The following UBXN7 variants were observed in gnomAD, a reference collection of about 807,000 sequenced individuals.
The protein encoded by UBXN7 is UBX domain protein 7, also known as UBX domain-containing protein 7.
A neutral mutation model predicts 58.0 loss-of-function variants in UBXN7; 9 were observed. The ratio of observed to expected loss-of-function variants is 0.16; its 90% CI spans 0.09 to 0.27. The LOEUF is 0.27. Among genes scored for constraint, UBXN7 ranks in the 10% least tolerant of loss-of-function variants. The probability of loss-of-function intolerance (pLI) is 1.00; values close to 1 mark genes in which losing one functional copy is unlikely to be tolerated. For synonymous variants in UBXN7, 208 were observed against 205.0 expected (o/e 1.01, Z -0.12); for missense variants, 328 against 599.6 (o/e 0.55, Z 4.73).
At chr3:196,372,099 T>G (rs1728850164) in intron 5 of UBXN7, 57 bp from the exon 6 acceptor site, 1 of 1,528,356 alleles carries the variant, frequency 6.5e-7, no homozygotes, top group East Asian at 2.3e-5. Context: ...TGACAGATGT[T>G]TCCGTAGTTG....
chr3:196,393,780 C>CAT, intron 3 of UBXN7, 161 bp from the exon 4 acceptor site: 1 of 552,536 alleles, frequency 1.8e-6, no homozygotes, highest in Non-Finnish European at 3.1e-6. Flanking sequence ...TGTCTCGTTC[C>CAT]AATTTTAGTA....
intron 1 of UBXN7, among the ~76,000 whole-genome samples, chr3:196,425,832 GTATT>G (rs1484335966): frequency 6.6e-6 from 1 of 152,104 alleles, no homozygotes; most frequent in African/African-American, 2.4e-5. Flanking sequence ...AGATAAAAAA[GTATT>G]TATTCTGGGA....
intron 5 of UBXN7, among the ~76,000 whole-genome samples, chr3:196,383,078 T>C (rs1457377820): frequency 3.4e-5 from 5 of 146,764 alleles, no homozygotes; most frequent in African/African-American, 7.6e-5. Flanking sequence ...ATCGCACCAC[T>C]GCACTCCAGC....
chr3:196,369,602 A>G (rs1728762673), intron 6 of UBXN7, 91 bp from the exon 7 acceptor site: 1 of 863,166 alleles, frequency 1.2e-6, no homozygotes, highest in Admixed American at 2.3e-5. Flanking sequence ...TTAGCTCTCC[A>G]AATATACCTC....
At chr3:196,384,519 A>G (rs1425198949) in intron 5 of UBXN7, among the ~76,000 whole-genome samples, 1 of 152,226 alleles carries the variant, frequency 6.6e-6, no homozygotes, top group Non-Finnish European at 1.5e-5. Flanking sequence ...TTAGACCAAT[A>G]TCCCTGATGA....
At chr3:196,399,349 G>A (rs1729885682) in intron 3 of UBXN7, among the ~76,000 whole-genome samples, 1 of 151,888 alleles carries the variant, frequency 6.6e-6, no homozygotes, top group Admixed American at 6.6e-5. Flanking sequence ...CGTTGCCCAG[G>A]CTGGTCTCAA....
intron 3 of UBXN7, chr3:196,400,357 A>G (rs1171966266): frequency 6.6e-6 from 1 of 152,286 alleles, no homozygotes; most frequent in Non-Finnish European, 1.5e-5. Flanking sequence ...GACCCATTTC[A>G]AGTTATAACG....
chr3:196,432,209 G>A (rs546654676), intron 1 of UBXN7, 118 bp downstream of exon 1: 15 of 1,403,946 alleles, frequency 1.1e-5, no homozygotes, highest in Middle Eastern at 1.8e-4. Flanking sequence ...CAGGAGGGAG[G>A]ACGGCAGCTG....
chr3:196,398,129 GCT>G (rs1729834136), intron 3 of UBXN7, among the ~76,000 whole-genome samples: 1 of 152,164 alleles, frequency 6.6e-6, no homozygotes, highest in African/African-American at 2.4e-5. Context: ...TCTCTCATTT[GCT>G]CTGTGTTAAG....
intron 5 of UBXN7, among the ~76,000 whole-genome samples, chr3:196,379,110 G>A (rs965432033): frequency 7.4e-6 from 1 of 135,846 alleles, no homozygotes; most frequent in Non-Finnish European, 1.6e-5. Flanking sequence ...GGTTTTGGGG[G>A]ATTTTAGCCA....
At chr3:196,422,351 T>C (rs1730714825) in intron 1 of UBXN7, among the ~76,000 whole-genome samples, 1 of 151,078 alleles carries the variant, frequency 6.6e-6, no homozygotes, top group African/African-American at 2.4e-5. Flanking sequence ...CATGGTGGTG[T>C]GTGCCTGTAG....
chr3:196,410,936 C>T (rs1730305230), intron 1 of UBXN7, among the ~76,000 whole-genome samples: 1 of 152,134 alleles, frequency 6.6e-6, no homozygotes, highest in African/African-American at 2.4e-5. Flanking sequence ...TCTGGCTTTG[C>T]CTTTCTTCTT....
intron 3 of UBXN7, among the ~76,000 whole-genome samples, chr3:196,395,860 G>C (rs1729753774): frequency 6.6e-6 from 1 of 152,112 alleles, no homozygotes; most frequent in Non-Finnish European, 1.5e-5. Context: ...CCGCCTCCCA[G>C]GTTCAAGGCA....
chr3:196,367,915 A>ATAGT lies in UBXN7; in HGVS notation c.834+109_834+112dup, dbSNP rs1432333690. The ATAGT allele has an allele frequency of 1.8e-5, 25 of 1,406,966 alleles. No homozygotes were observed. The African/African-American group carries it at 3.6e-4, about 20-fold the overall frequency. The allele number at this position is 1,406,966 out of a possible 1,614,324, so 87.2% of individuals were successfully genotyped here. A position where few individuals can be genotyped will look rare whatever the true frequency, so the allele number is the denominator to read the frequency against. On this transcript the variant is annotated intron_variant, in intron 8 of 10. Transcript: ENST00000296328. The stretch of plus-strand genomic sequence containing the variant: ...TATCTAAGATGCTATAGCCACAGTG[A>ATAGT]TAGTTGTCCACTAGTTAGATTATCT...
At chr3:196,429,019 A>AAG (rs1236871832) in intron 1 of UBXN7, among the ~76,000 whole-genome samples, 57 of 150,966 alleles carry the variant, frequency 3.8e-4, no homozygotes, top group African/African-American at 1.3e-3. Context: ...TTAAAAAAAA[A>AAG]AAAAAAAAAT....
intron 1 of UBXN7, chr3:196,414,647 TTC>T (rs1730425780): frequency 6.6e-6 from 1 of 152,202 alleles, no homozygotes; most frequent in Non-Finnish European, 1.5e-5. Flanking sequence ...ACACCCACCT[TTC>T]TGTTACGTTC....
At chr3:196,428,610 C>T (rs533810578) in intron 1 of UBXN7, among the ~76,000 whole-genome samples, 202 of 151,882 alleles carry the variant, frequency 1.3e-3, no homozygotes, top group Middle Eastern at 3.4e-3. Context: ...AAAATTATTT[C>T]GGCCAGGTGC....
Position 196,348,869 on chromosome 3 carries a change from G to C in UBXN7, c.*7816C>G, listed in dbSNP as rs1210195897. The C allele has an allele frequency of 6.6e-6, 1 of 152,168 alleles. No homozygotes were observed. The highest frequency in any genetic ancestry group is 1.5e-5 in the Non-Finnish European group (1 of 68,056). 9.4% of individuals were successfully genotyped at this position (152,168 alleles called of 1,614,324 possible). On this transcript the variant is annotated 3_prime_UTR_variant, in exon 11 of 11. Coordinates refer to ENST00000296328, the MANE Select transcript of UBXN7 (RefSeq NM_015562.2). ...GCACAGAGCCTGCACAGACACTGCTGAGAGTTTCCAGGGAACAATCAATAC... is the reference window on the plus strand; with the variant it reads ...GCACAGAGCCTGCACAGACACTGCTCAGAGTTTCCAGGGAACAATCAATAC...
rs1361352703 is a variant in UBXN7 at position 196,361,728 on chromosome 3, C to T, written c.1308+116G>A. The T allele has an allele frequency of 1.1e-5, 10 of 877,826 alleles. No homozygotes were observed. In the East Asian group the frequency reaches 2.3e-4, roughly 20 times the overall value. 54.4% of individuals were successfully genotyped at this position (877,826 alleles called of 1,614,324 possible). A position where few individuals can be genotyped will look rare whatever the true frequency, so the allele number is the denominator to read the frequency against. The stretch of plus-strand genomic sequence containing the variant: ...TTTTTAGACATAAAGCTACTGCACA[C>T]TTAATAGACTATGGAATAATGTAAA... On this transcript the variant is annotated intron_variant, in intron 10 of 10. Transcript: ENST00000296328.
Sources: gnomAD v4.1 joint callset for allele counts (sites outside exome capture counted in the v4.1 genomes callset) on GRCh38, gnomAD v4.1.1 for gene constraint, MANE v1.5 for transcripts, NCBI Gene and HGNC (gene_info 2026-07-23, HGNC 2026-07-21) for gene names.